Variants in OMA1 observed in about 807,000 individuals in gnomAD.
OMA1 encodes metalloendopeptidase OMA1, mitochondrial.
In OMA1, 38 loss-of-function variants were observed where a neutral mutation model predicts 30.9. The observed-to-expected ratio is 1.23, with a 90% CI of 0.95 to 1.61. The LOEUF (loss-of-function observed/expected upper bound fraction) is 1.61, where lower values mean the gene tolerates loss of function less well. Among genes scored for constraint, OMA1 ranks in the 40% most tolerant of loss-of-function variants. OMA1 has a pLI of 0.00. For synonymous variants in OMA1, 173 were observed against 121.9 expected (o/e 1.42, Z -2.76); for missense variants, 461 against 349.2 (o/e 1.32, Z -2.55).
chr1:58,539,495 C>T (rs1469749119), intron 1 of OMA1, among the ~76,000 whole-genome samples, 185 bp from the exon 2 acceptor site: 1 of 152,078 alleles, frequency 6.6e-6, no homozygotes, highest in African/African-American at 2.4e-5. Flanking sequence ...GTATATATAC[C>T]ACGATATTTA....
At chr1:58,533,348 C>T (rs1230071419) in intron 5 of OMA1, among the ~76,000 whole-genome samples, 1 of 152,154 alleles carries the variant, frequency 6.6e-6, no homozygotes, top group East Asian at 1.9e-4. Flanking sequence ...AGTCATGTTA[C>T]TGTTTTTCTA....
intron 6 of OMA1, 68 bp from the exon 7 acceptor site, chr1:58,527,403 AG>A (rs1456841846): frequency 1.8e-5 from 14 of 797,082 alleles, no homozygotes; most frequent in Non-Finnish European, 2.9e-5. Context: ...TAACACAGAG[AG>A]ATTTTTAAAA....
At chr1:58,523,398 C>G (rs556096310) in intron 7 of OMA1, among the ~76,000 whole-genome samples, 57 of 152,282 alleles carry the variant, frequency 3.7e-4, no homozygotes, top group Non-Finnish European at 8.1e-4. Context: ...TACAGACTTT[C>G]ATAATGTTCT....
At chr1:58,491,246 C>A (rs760622557) in intron 8 of OMA1, among the ~76,000 whole-genome samples, 5 of 152,220 alleles carry the variant, frequency 3.3e-5, no homozygotes, top group South Asian at 4.1e-4. Context: ...GCCTGCCCTA[C>A]AAGAGCTCCT....
chr1:58,508,621 T>C (rs1057463809), intron 7 of OMA1, among the ~76,000 whole-genome samples: 2 of 152,142 alleles, frequency 1.3e-5, no homozygotes, highest in African/African-American at 4.8e-5. Context: ...TTGGCTTGTG[T>C]ATCTAACATT....
chr1:58,504,325 C>A (rs6679808), intron 8 of OMA1, among the ~76,000 whole-genome samples: 1 of 152,030 alleles, frequency 6.6e-6, no homozygotes, highest in Admixed American at 6.6e-5. Context: ...ATCAAACATA[C>A]GCTGACTTTA....
intron 8 of OMA1, 59 bp from the exon 9 acceptor site, chr1:58,481,233 G>A: frequency 1.8e-6 from 1 of 570,680 alleles, no homozygotes; most frequent in Non-Finnish European, 3.0e-6. Context: ...TATTCAGATT[G>A]TTTCAGTAAT....
chr1:58,510,640 A>G (rs1331115133), intron 7 of OMA1, among the ~76,000 whole-genome samples: 5 of 152,156 alleles, frequency 3.3e-5, no homozygotes, highest in African/African-American at 4.8e-5. Context: ...GAGGCAAGAG[A>G]AAGAAATAAA....
rs1646440170 is a variant in OMA1 at position 58,531,874 on chromosome 1, A to AT, written c.1012-1146dup. Among the ~76,000 whole-genome samples, 8 of 151,994 alleles carry AT rather than the reference A, an allele frequency of 5.3e-5. No homozygotes were observed. The South Asian group carries it at 1.7e-3, about 32-fold the overall frequency. On this transcript the variant is annotated intron_variant, in intron 5 of 8. Coordinates refer to ENST00000371226, the MANE Select transcript of OMA1 (RefSeq NM_145243.5). ...CAGGTACCCACCACCATGCTCAGCT[A>AT]TTTTTTGTATTTTTAGCAGAGATGG...
chr1:58,499,447 T>C lies in OMA1; in HGVS notation c.1365+6613A>G, dbSNP rs1645862388. Among the ~76,000 whole-genome samples, 4 of 141,702 alleles carry C rather than the reference T, an allele frequency of 2.8e-5. No homozygotes were observed. In the South Asian group the frequency reaches 9.0e-4, roughly 32 times the overall value. The allele number at this position is 141,702 out of a possible 152,430, so 93.0% of individuals were successfully genotyped here. On this transcript the variant is annotated intron_variant, in intron 8 of 8. Coordinates refer to ENST00000371226, the MANE Select transcript of OMA1 (RefSeq NM_145243.5). ...CTGCAGTGAACTATGATTCCACCACTGCACTCCAGCCTAGGGAACAAAGCC... is the reference window on the plus strand; with the variant it reads ...CTGCAGTGAACTATGATTCCACCACCGCACTCCAGCCTAGGGAACAAAGCC...
intron 5 of OMA1, among the ~76,000 whole-genome samples, chr1:58,532,370 A>G (rs901661103): frequency 1.3e-5 from 2 of 152,238 alleles, no homozygotes; most frequent in Non-Finnish European, 2.9e-5. Context: ...TAGATGCCTA[A>G]AAAACAAATG....
chr1:58,495,890 T>C (rs1035140062), intron 8 of OMA1, among the ~76,000 whole-genome samples: 2 of 152,224 alleles, frequency 1.3e-5, no homozygotes, highest in African/African-American at 4.8e-5. Flanking sequence ...CTTACTCTTG[T>C]ATGCCTTTTT....
At chr1:58,485,068 T>C (rs12046984) in intron 8 of OMA1, among the ~76,000 whole-genome samples, 2 of 152,024 alleles carry the variant, frequency 1.3e-5, no homozygotes, top group East Asian at 3.9e-4. Context: ...TGGGTCAACA[T>C]AGGTTCATCA....
chr1:58,497,726 T>C (rs1396222533), intron 8 of OMA1, among the ~76,000 whole-genome samples: 1 of 152,180 alleles, frequency 6.6e-6, no homozygotes, highest in Non-Finnish European at 1.5e-5. Flanking sequence ...TCTAAATCAC[T>C]GGAAACTCTT....
chr1:58,515,973 A>G (rs1646151953), intron 7 of OMA1, among the ~76,000 whole-genome samples: 1 of 152,176 alleles, frequency 6.6e-6, no homozygotes, highest in Admixed American at 6.5e-5. Context: ...GATTTTGCTT[A>G]TTACCTAATG....
Position 58,539,148 on chromosome 1 carries a change from C to T in OMA1, c.147G>A (p.Lys49=), listed in dbSNP as rs780574526. Residue 49 remains lysine, a synonymous_variant, in exon 2 of 9, where the codon AAG becomes AAA. Transcript: ENST00000371226. ...HQVQVNHIVN[K]YQGLGVNQCD... Reference sequence around the variant, plus strand: ...ACTGATTTACTCCCAGTCCCTGATACTTATTTACTATATGGTTAACTTGTA... The same window carrying T: ...ACTGATTTACTCCCAGTCCCTGATATTTATTTACTATATGGTTAACTTGTA... The T allele has an allele frequency of 4.6e-6, 4 of 872,948 alleles. No homozygotes were observed. The highest frequency in any genetic ancestry group is 2.4e-5 in the East Asian group (1 of 41,706). The allele number at this position is 872,948 out of a possible 1,614,324, so 54.1% of individuals were successfully genotyped here. A position where few individuals can be genotyped will look rare whatever the true frequency, so the allele number is the denominator to read the frequency against.
chr1:58,519,620 T>C (rs906549684), intron 7 of OMA1, among the ~76,000 whole-genome samples: 1 of 152,096 alleles, frequency 6.6e-6, no homozygotes, highest in African/African-American at 2.4e-5. Flanking sequence ...ACTGTTTATA[T>C]GAAACATCCA....
intron 1 of OMA1, chr1:58,541,641 A>AG (rs1646621614): frequency 7.5e-6 from 1 of 133,092 alleles, no homozygotes; most frequent in East Asian, 2.2e-4. Flanking sequence ...AAAAAAAAAA[A>AG]CCAAAAACAA....
chr1:58,491,103 G>A (rs7553996), intron 8 of OMA1, among the ~76,000 whole-genome samples: 3,470 of 151,818 alleles, frequency 0.023, 123 homozygotes, highest in African/African-American at 0.079. Flanking sequence ...CACTGCACCC[G>A]GCCCTTCAAC....
Sources: gnomAD v4.1 joint callset for allele counts (sites outside exome capture counted in the v4.1 genomes callset) on GRCh38, gnomAD v4.1.1 for gene constraint, MANE v1.5 for transcripts, NCBI Gene and HGNC (gene_info 2026-07-23, HGNC 2026-07-21) for gene names.